The following MKLN1 variants were observed in gnomAD, a reference collection of about 807,000 sequenced individuals.
The protein encoded by MKLN1 is muskelin.
Under a neutral mutation model 99.0 loss-of-function variants are expected in MKLN1, and 18 were observed. The ratio of observed to expected loss-of-function variants is 0.18; its 90% CI spans 0.13 to 0.27. The LOEUF (loss-of-function observed/expected upper bound fraction) is 0.27, where lower values mean the gene tolerates loss of function less well. Ranked by LOEUF, MKLN1 falls within the 10% of genes least tolerant of loss-of-function variation. The pLI is 1.00. For synonymous variants in MKLN1, 288 were observed against 293.2 expected (o/e 0.98, Z 0.18); for missense variants, 621 against 875.9 (o/e 0.71, Z 3.67).
rs1002804684 is a variant in MKLN1, at chr7:131,494,902, A to G, written c.*7174A>G. On this transcript the variant is annotated 3_prime_UTR_variant, in exon 18 of 18. Transcript: ENST00000352689. Reference sequence around the variant, plus strand: ...TGTGAACAGATTCCTTTATGCGTACATACTTTATAAATATACATACATACA... The same window carrying G: ...TGTGAACAGATTCCTTTATGCGTACGTACTTTATAAATATACATACATACA... 1 of 152,128 alleles carries G rather than the reference A, an allele frequency of 6.6e-6. No homozygotes were observed. Among genetic ancestry groups the G allele is most frequent in the African/African-American group, 2.4e-5 (1 of 41,466 alleles). The allele number at this position is 152,128 out of a possible 1,614,324, so 9.4% of individuals were successfully genotyped here. A position where few individuals can be genotyped will look rare whatever the true frequency, so the allele number is the denominator to read the frequency against.
chr7:131,126,469 A>G (rs545923706), intron 1 of MKLN1, among the ~76,000 whole-genome samples: 2 of 152,356 alleles, frequency 1.3e-5, no homozygotes, highest in Admixed American at 6.5e-5. Flanking sequence ...TAATATTTCT[A>G]AAATGAGAAT....
intron 3 of MKLN1, among the ~76,000 whole-genome samples, chr7:131,299,792 G>A (rs931811668): frequency 4.6e-5 from 7 of 152,254 alleles, no homozygotes; most frequent in Non-Finnish European, 8.8e-5. Context: ...GTCGCACATA[G>A]GAATGCTATG....
chr7:131,293,763 G>A (rs1001494056), intron 3 of MKLN1, among the ~76,000 whole-genome samples: 7 of 152,174 alleles, frequency 4.6e-5, no homozygotes, highest in African/African-American at 1.7e-4. Context: ...CTATGATCAC[G>A]CCACTGCTCT....
At position 131,138,615 on chromosome 7, in the gene MKLN1, T is replaced by C. The variant is rs1795686067; in HGVS notation, c.-418-4205T>C. On this transcript the variant is annotated intron_variant, in intron 1 of 7. Transcript: ENST00000416992. ...GAGGTATTATTATTTAGTTTTGCCTTTTCAAGCTCGTTAAATGAGAATTAG... is the reference window on the plus strand; with the variant it reads ...GAGGTATTATTATTTAGTTTTGCCTCTTCAAGCTCGTTAAATGAGAATTAG... Among the ~76,000 whole-genome samples the C allele has an allele frequency of 1.3e-5, 2 of 152,238 alleles. 1 individual carries two copies. Among genetic ancestry groups the C allele is most frequent in the South Asian group, 4.1e-4 (2 of 4,836 alleles).
At chr7:131,226,308 C>A (rs1255304838) in intron 3 of MKLN1, among the ~76,000 whole-genome samples, 1 of 152,212 alleles carries the variant, frequency 6.6e-6, no homozygotes, top group Non-Finnish European at 1.5e-5. Flanking sequence ...GCCCTTTCTG[C>A]AGTCTTTCAG....
chr7:131,142,208 C>T lies in MKLN1; in HGVS notation c.-418-612C>T, dbSNP rs924563162. Reference sequence around the variant, plus strand: ...ATCACCTGAGGTCAGGAGTTTGAGACCAGCCTGGCCAAAATGGCAAAACCC... The same window carrying T: ...ATCACCTGAGGTCAGGAGTTTGAGATCAGCCTGGCCAAAATGGCAAAACCC... On this transcript the variant is annotated intron_variant, in intron 1 of 7. Transcript: ENST00000416992. 3.9e-5 allele frequency among the ~76,000 whole-genome samples: 6 copies of T among 151,976 alleles called. No individual in the cohort carries two copies. The South Asian group carries it at 1.2e-3, about 32-fold the overall frequency.
In MKLN1 at chr7:131,180,820, G is replaced by T. The variant is rs372397010; in HGVS notation, c.-296-22037G>T. 5.3e-5 allele frequency among the ~76,000 whole-genome samples: 8 copies of T among 151,982 alleles called. No homozygotes were observed. In the East Asian group the frequency reaches 1.5e-3, roughly 29 times the overall value. Reference sequence around the variant, plus strand: ...TTTGGGAATGGTTTGGTTACAAACTGGTAAACATTTTCATAAATCTTAGAA... The same window carrying T: ...TTTGGGAATGGTTTGGTTACAAACTTGTAAACATTTTCATAAATCTTAGAA... On this transcript the variant is annotated intron_variant, in intron 2 of 7. Transcript: ENST00000416992.
At chr7:131,297,813 AG>A (rs1798315748) in intron 3 of MKLN1, among the ~76,000 whole-genome samples, 1 of 152,176 alleles carries the variant, frequency 6.6e-6, no homozygotes, top group Non-Finnish European at 1.5e-5. Context: ...TTTAGAACCT[AG>A]GAAGATTTGA....
In MKLN1 at chr7:131,116,081, A is replaced by G. The variant is rs192140345; in HGVS notation, c.-419+5874A>G. Among the ~76,000 whole-genome samples the G allele has an allele frequency of 4.2e-3, 644 of 151,944 alleles. 8 individuals are homozygous for G. Among genetic ancestry groups the G allele is most frequent in the African/African-American group, 9.7e-3 (400 of 41,368 alleles). On this transcript the variant is annotated intron_variant, in intron 1 of 7. Transcript: ENST00000416992. Reference sequence around the variant, plus strand: ...AGCACTTTGGGATGCCGAGGCGGGCAGATCACGAGGTCAGGAGATCGAGAC... The same window carrying G: ...AGCACTTTGGGATGCCGAGGCGGGCGGATCACGAGGTCAGGAGATCGAGAC...
intron 2 of MKLN1, among the ~76,000 whole-genome samples, chr7:131,375,869 T>C (rs1793630990): frequency 6.7e-6 from 1 of 149,798 alleles, no homozygotes; most frequent in African/African-American, 2.4e-5. Flanking sequence ...AAAATAATAT[T>C]TAAATGGCAT....
At chr7:131,327,109 C>T (rs956377762), upstream of MKLN1, 1 of 152,180 alleles carries the variant, frequency 6.6e-6, no homozygotes, top group Admixed American at 6.5e-5. Flanking sequence ...TAGTCTTTTT[C>T]CTGAACTACT....
chr7:131,185,033 G>C (rs1029993512), intron 2 of MKLN1, among the ~76,000 whole-genome samples: 1 of 152,166 alleles, frequency 6.6e-6, no homozygotes, highest in Non-Finnish European at 1.5e-5. Flanking sequence ...AGTTGCCCCT[G>C]AGCATTGATG....
chr7:131,288,538 C>T (rs10267502), intron 3 of MKLN1, among the ~76,000 whole-genome samples: 30,220 of 151,812 alleles, frequency 0.2, 3,414 homozygotes, highest in African/African-American at 0.32. Flanking sequence ...ATTTTCAGAA[C>T]GGAGAGATAT....
intron 3 of MKLN1, among the ~76,000 whole-genome samples, chr7:131,211,945 A>C (rs1170245003): frequency 6.6e-6 from 1 of 152,204 alleles, no homozygotes; most frequent in Admixed American, 6.5e-5. Context: ...ATGGTCTTAC[A>C]GGAGTGTTGG....
chr7:131,340,565 C>T (rs1799380227), intron 1 of MKLN1, among the ~76,000 whole-genome samples: 1 of 152,138 alleles, frequency 6.6e-6, no homozygotes, highest in Admixed American at 6.5e-5. Context: ...AGGCGTGAGC[C>T]ACCGTGCCCG....
intron 3 of MKLN1, among the ~76,000 whole-genome samples, chr7:131,264,008 TATGGAGTAGAC>T (rs1797772042): frequency 1.3e-5 from 2 of 152,176 alleles, no homozygotes; most frequent in South Asian, 4.1e-4. Flanking sequence ...TTTCCTTCTG[TATGGAGTAGAC>T]ACAGGAGTTC....
upstream of MKLN1, chr7:131,327,554 T>C: frequency 4.3e-6 from 1 of 232,134 alleles, no homozygotes; most frequent in Non-Finnish European, 8.4e-6. Flanking sequence ...CTTCTTATTT[T>C]CCCTTCCTGC....
At chr7:131,342,432 A>T (rs1799436110) in intron 1 of MKLN1, among the ~76,000 whole-genome samples, 1 of 152,198 alleles carries the variant, frequency 6.6e-6, no homozygotes, top group Non-Finnish European at 1.5e-5. Flanking sequence ...ATACTTTGCT[A>T]AGCAGTTTGT....
chr7:131,475,371 C>CA (rs994883434), intron 16 of MKLN1, among the ~76,000 whole-genome samples: 8 of 151,292 alleles, frequency 5.3e-5, no homozygotes, highest in Admixed American at 1.3e-4. Context: ...AATTTTCTAA[C>CA]AAAAAAAACT....
Sources: allele counts gnomAD v4.1 joint callset (sites outside exome capture counted in the v4.1 genomes callset), GRCh38; gene constraint gnomAD v4.1.1; transcripts MANE v1.5; gene names NCBI Gene and HGNC (gene_info 2026-07-23, HGNC 2026-07-21).